The following MVD variants were observed in gnomAD, a reference collection of about 807,000 sequenced individuals.
The protein encoded by MVD is mevalonate diphosphate decarboxylase.
A neutral mutation model predicts 42.4 loss-of-function variants in MVD; 52 were observed. The ratio of observed to expected loss-of-function variants is 1.23; its 90% CI spans 0.98 to 1.55. The LOEUF is 1.55. Among genes scored for constraint, MVD ranks in the 40% most tolerant of loss-of-function variants. The probability of loss-of-function intolerance (pLI) is 0.00; values close to 1 mark genes in which losing one functional copy is unlikely to be tolerated. For missense variants in MVD, 663 were observed against 572.1 expected, an observed-to-expected ratio of 1.16 and a Z score of -1.62; for synonymous variants, 287 against 243.2, an observed-to-expected ratio of 1.18 and a Z score of -1.68.
chr16:88,658,664 GA>G lies in MVD; in HGVS notation c.126del (p.Leu43CysfsTer6). On this transcript the variant is annotated frameshift_variant, in exon 2 of 10. Transcript: ENST00000301012. LOFTEE classifies it high-confidence loss of function. ...VLPINSSLSV[T>X]LHQDQLKTTT... The stretch of plus-strand genomic sequence containing the variant: ...TCCACACATACCTGGTCCTGGTGCA[GA>G]GTGACGCTCAGGGAGGAGTTGATGG... The G allele has an allele frequency of 6.2e-7, 1 of 1,613,708 alleles. No individual in the cohort carries two copies. The highest frequency in any genetic ancestry group is 8.5e-7 in the Non-Finnish European group (1 of 1,179,862).
intron 3 of MVD, 156 bp downstream of exon 3, chr16:88,657,758 TG>T: frequency 8.1e-7 from 1 of 1,236,466 alleles, no homozygotes; most frequent in Non-Finnish European, 1.1e-6. Flanking sequence ...GTCATTGAGG[TG>T]GGCCACTGCC....
chr16:88,654,618 G>A (rs1255753156), intron 8 of MVD, 74 bp downstream of exon 8: 3 of 1,447,648 alleles, frequency 2.1e-6, no homozygotes, highest in Non-Finnish European at 2.8e-6. Context: ...CAGCCTTCAG[G>A]TGCCTCCGTC....
At position 88,663,038 on chromosome 16, in the gene MVD, G is replaced by C; in HGVS notation, c.43C>G (p.Pro15Ala). The change falls in exon 1 of 10, where the codon CCG (proline) becomes GCG (alanine). Residue 15 changes from proline (P) to alanine (A), a missense_variant. Transcript: ENST00000301012. Reference sequence around the variant, plus strand: ...TACTTGATGACCGCGATGTTGACCGGCGCTGTACAAGTGACTGCCGCCAGC... The same window carrying C: ...TACTTGATGACCGCGATGTTGACCGCCGCTGTACAAGTGACTGCCGCCAGC... ...KPLAAVTCTA[P>A]VNIAVIKYWG... 3 of 1,609,960 alleles carry C rather than the reference G, an allele frequency of 1.9e-6. No individual in the cohort carries two copies. The highest frequency in any genetic ancestry group is 2.5e-6 in the Non-Finnish European group (3 of 1,178,662).
At chr16:88,658,911 G>C in intron 1 of MVD, 191 bp from the exon 2 acceptor site, 1 of 592,826 alleles carries the variant, frequency 1.7e-6, no homozygotes, top group South Asian at 1.8e-5. Flanking sequence ...ACTGAGCTCA[G>C]GCTCCCAGAG....
At chr16:88,654,135 G>C (rs1907754116) in intron 8 of MVD, among the ~76,000 whole-genome samples, 1 of 151,648 alleles carries the variant, frequency 6.6e-6, no homozygotes, top group South Asian at 2.1e-4. Flanking sequence ...CCACAGAGCA[G>C]CGCAGGGGAA....
intron 8 of MVD, 63 bp downstream of exon 8, chr16:88,654,629 T>G: frequency 6.6e-7 from 1 of 1,512,366 alleles, no homozygotes; most frequent in Non-Finnish European, 8.9e-7. Context: ...TGCCTCCGTC[T>G]CTTCCGACCA....
At chr16:88,653,494 G>T (rs1907712500) in intron 8 of MVD, 86 bp from the exon 9 acceptor site, 3 of 1,151,782 alleles carry the variant, frequency 2.6e-6, no homozygotes, top group East Asian at 5.6e-5. Flanking sequence ...CCAGAGATGG[G>T]AAGTGCATTC....
chr16:88,660,082 C>T (rs543379757), intron 1 of MVD, among the ~76,000 whole-genome samples: 1 of 152,230 alleles, frequency 6.6e-6, no homozygotes, highest in Non-Finnish European at 1.5e-5. Flanking sequence ...GGGACTTTCA[C>T]CTCCCCAGGA....
chr16:88,663,081 G>A lies in MVD; in HGVS notation c.-1C>T. ...CCGCCAGCGGCTTCTCCGAGGCCAT[G>A]GTCCCACCGCGCAGTGACCCCAGCT... On this transcript the variant is annotated 5_prime_UTR_variant, in exon 1 of 10. Transcript: ENST00000301012. The A allele has an allele frequency of 6.2e-7, 1 of 1,609,000 alleles. No homozygotes were observed. The highest frequency in any genetic ancestry group is 8.5e-7 in the Non-Finnish European group (1 of 1,178,508).
In MVD at chr16:88,662,823, A is replaced by C; in HGVS notation, c.70+188T>G. The C allele has an allele frequency of 2.1e-6, 3 of 1,457,720 alleles. No individual in the cohort carries two copies. The South Asian group carries it at 4.1e-5, about 20-fold the overall frequency. The allele number at this position is 1,457,720 out of a possible 1,614,324, so 90.3% of individuals were successfully genotyped here. ...CGTCGCGGGGGAACGGGTGGCGCCG[A>C]GCTTGTCACGCGAAGGAGCGCGCGG... On this transcript the variant is annotated intron_variant, in intron 1 of 9. Transcript: ENST00000301012.
rs527457996 is a variant in MVD at position 88,652,410 on chromosome 16, C to G, written c.*115G>C. ...CCCCACAGCAAGCTGCCCATGGGCC[C>G]GGGGTCAAGCCACCACCCACATGTC... is the stretch of plus-strand genomic sequence containing the variant. On this transcript the variant is annotated 3_prime_UTR_variant, in exon 10 of 10. Coordinates refer to ENST00000301012, the MANE Select transcript of MVD (RefSeq NM_002461.3). 3 of 1,201,428 alleles carry G rather than the reference C, an allele frequency of 2.5e-6. No homozygotes were observed. In the South Asian group the frequency reaches 3.9e-5, roughly 16 times the overall value. 74.4% of individuals were successfully genotyped at this position (1,201,428 alleles called of 1,614,324 possible). A position where few individuals can be genotyped will look rare whatever the true frequency, so the allele number is the denominator to read the frequency against.
In MVD at chr16:88,656,642, G is replaced by A. The variant is rs995235963; in HGVS notation, c.404-338C>T. ...CAAGCTGGGCTTTGAGGGTGGGAAG[G>A]AATTTTAAGGCTGTGTGGGGCAGGG... On this transcript the variant is annotated intron_variant, in intron 4 of 9. Transcript: ENST00000301012. 12 of 420,238 alleles carry A rather than the reference G, an allele frequency of 2.9e-5. 1 individual carries two copies. In the Admixed American group the frequency reaches 4.3e-4, roughly 15 times the overall value. 26.0% of individuals were successfully genotyped at this position (420,238 alleles called of 1,614,324 possible).
intron 1 of MVD, among the ~76,000 whole-genome samples, chr16:88,661,922 A>G (rs1218824802): frequency 1.3e-4 from 14 of 110,078 alleles, no homozygotes; most frequent in Non-Finnish European, 2.5e-4. Flanking sequence ...ACATATACAC[A>G]CACATATATC....
At chr16:88,660,474 G>C (rs1170324638) in intron 1 of MVD, 1 of 151,068 alleles carries the variant, frequency 6.6e-6, no homozygotes, top group African/African-American at 2.4e-5. Flanking sequence ...GCAAAACCCC[G>C]TCTCCACTAA....
rs1567614348 is a variant in MVD, at chr16:88,655,345, T to G, written c.751A>C (p.Ser251Arg). The change falls in exon 7 of 10, where the codon AGC (serine) becomes CGC (arginine). Residue 251 changes from serine (S) to arginine (R), a missense_variant. Ser to Arg is a moderately radical substitution (Grantham distance 110). Transcript: ENST00000301012. ...ARCIRERDFP[S>R]FAQLTMKDSN... ...TCCTTCATGGTCAGCTGGGCGAAGCTGGGGAAGTCTCGCTCCCGGATGCAG... is the reference window on the plus strand; with the variant it reads ...TCCTTCATGGTCAGCTGGGCGAAGCGGGGGAAGTCTCGCTCCCGGATGCAG... 6.2e-7 allele frequency: 1 copy of G among 1,602,888 alleles called. No homozygotes were observed. The highest frequency in any genetic ancestry group is 8.5e-7 in the Non-Finnish European group (1 of 1,175,228).
chr16:88,655,725 G>T lies in MVD; in HGVS notation c.609C>A (p.Ser203Arg). ...PELRVLILVVSAEKKLTGSTV... is the reference protein window; with the variant it reads ...PELRVLILVVRAEKKLTGSTV... ...TACTGCCTGTCAGCTTCTTCTCAGC[G>T]CTCACCTGCACGAGGGAGAGACAGC... is the stretch of plus-strand genomic sequence containing the variant. Residue 203 changes from serine (S) to arginine (R), a missense_variant, in exon 6 of 10, where the codon AGC becomes AGA. Physicochemically the swap from Ser to Arg is moderately radical, Grantham distance 110 (BLOSUM62 -1). Coordinates refer to ENST00000301012, the MANE Select transcript of MVD (RefSeq NM_002461.3). The T allele has an allele frequency of 6.4e-7, 1 of 1,556,746 alleles. No homozygotes were observed.
In MVD at chr16:88,657,926, C is replaced by A. The variant is rs772737070; in HGVS notation, c.245G>T (p.Cys82Phe). ...EDVGQPRLQA[C>F]LREIRCLARK... is the part of the protein sequence containing the mutation. ...GGACCCCAGCTCACTCTCCCGCAGG[C>A]AGGCCTGCAGCCGCGGCTGCCCCAC... Residue 82 changes from cysteine to phenylalanine, a missense_variant, in exon 3 of 10, where the codon TGC becomes TTC. Transcript: ENST00000301012. The A allele has an allele frequency of 1.9e-6, 3 of 1,613,640 alleles. No homozygotes were observed. The highest frequency in any genetic ancestry group is 2.5e-6 in the Non-Finnish European group (3 of 1,180,014).
At chr16:88,662,862 C>T in intron 1 of MVD, 149 bp downstream of exon 1, 4 of 1,439,122 alleles carry the variant, frequency 2.8e-6, no homozygotes, top group Non-Finnish European at 3.6e-6. Context: ...CGCCCGACCA[C>T]CGCCGCGCCC....
At chr16:88,655,812 C>G (rs1440827563) in intron 5 of MVD, 82 bp from the exon 6 acceptor site, 3 of 1,481,624 alleles carry the variant, frequency 2.0e-6, no homozygotes, top group Non-Finnish European at 2.7e-6. Context: ...TCGGCCCTCC[C>G]TCAGCCAATG....
Sources: allele counts gnomAD v4.1 joint callset (sites outside exome capture counted in the v4.1 genomes callset), GRCh38; gene constraint gnomAD v4.1.1; transcripts MANE v1.5; gene names NCBI Gene and HGNC (gene_info 2026-07-23, HGNC 2026-07-21).